LIMK1: variants seen among roughly 807,000 people sequenced by gnomAD.
LIMK1 encodes the protein LIM motif-containing protein kinase.
LIMK1 carries 21 observed loss-of-function variants against 77.6 expected under a neutral mutation model. The observed-to-expected ratio is 0.27, with a 90% confidence interval of 0.19 to 0.39. The LOEUF is 0.39. Among genes scored for constraint, LIMK1 ranks in the 10% least tolerant of loss-of-function variants. The pLI is 1.00. For synonymous variants in LIMK1, 358 were observed against 370.0 expected (o/e 0.97, Z 0.37); for missense variants, 696 against 901.6 (o/e 0.77, Z 2.92).
In LIMK1 at chr7:74,086,222, T is replaced by A. The variant is rs551444447; in HGVS notation, c.152+378T>A. Among the ~76,000 whole-genome samples the A allele has an allele frequency of 2.0e-5, 3 of 152,106 alleles. No individual in the cohort carries two copies. In the South Asian group the frequency reaches 6.2e-4, roughly 32 times the overall value. ...CACCACGCCCAGCTAATTTTTGTAT[T>A]TTTAGTAGAGACGGGTTTTGCCATG... On this transcript the variant is annotated intron_variant, in intron 2 of 15. Coordinates refer to ENST00000336180, the MANE Select transcript of LIMK1 (RefSeq NM_002314.4).
At position 74,121,281 on chromosome 7, in the gene LIMK1, C is replaced by T. The variant is rs1470397205; in HGVS notation, c.1924C>T (p.His642Tyr). Residue 642 changes from histidine to tyrosine, a missense_variant, in exon 16 of 16, where the codon CAC becomes TAC. His to Tyr is a moderately conservative substitution (Grantham distance 83, BLOSUM62 2). Coordinates refer to ENST00000336180, the MANE Select transcript of LIMK1 (RefSeq NM_002314.4). The stretch of plus-strand genomic sequence containing the variant: ...GCGCGGCGAGAGCGGACTGCCTGCC[C>T]ACCCTGAGGTCCCCGACTGAGCCAG... ...YRRGESGLPA[H>Y]PEVPD is the part of the protein sequence containing the mutation. 5 of 1,605,442 alleles carry T rather than the reference C, an allele frequency of 3.1e-6. No homozygotes were observed. In the African/African-American group the frequency reaches 5.3e-5, roughly 17 times the overall value.
chr7:74,105,835 G>A, intron 5 of LIMK1, 40 bp from the exon 6 acceptor site: 1 of 1,494,104 alleles, frequency 6.7e-7, no homozygotes, highest in Non-Finnish European at 9.3e-7. Context: ...GGGCTCTGAG[G>A]GACAGGTGGG....
intron 4 of LIMK1, among the ~76,000 whole-genome samples, chr7:74,097,714 A>G (rs782684205): frequency 6.6e-6 from 1 of 152,206 alleles, no homozygotes; most frequent in Non-Finnish European, 1.5e-5. Flanking sequence ...CTTACTGGCC[A>G]TGACTGCAGC....
At chr7:74,121,079 A>G (rs782667440) in intron 15 of LIMK1, 30 bp downstream of exon 15, 1 of 1,591,954 alleles carries the variant, frequency 6.3e-7, no homozygotes, top group East Asian at 2.3e-5. Context: ...GGCCTGGGAG[A>G]CGGTGGGGCC....
intron 5 of LIMK1, among the ~76,000 whole-genome samples, chr7:74,103,134 C>T (rs929593703): frequency 6.6e-6 from 1 of 152,110 alleles, no homozygotes; most frequent in Non-Finnish European, 1.5e-5. Flanking sequence ...TCCCAAAATG[C>T]TGGGTTTACA....
chr7:74,096,777 T>G lies in LIMK1; in HGVS notation c.291+17T>G. ...CTGGTTATGGTGAGCGCCCCCTGCC[T>G]TGCACACTCACCTGGGGTGGGGGTA... On this transcript the variant is annotated intron_variant, in intron 3 of 15. Transcript: ENST00000336180. 1 of 1,576,286 alleles carries G rather than the reference T, an allele frequency of 6.3e-7. No individual in the cohort carries two copies. Among genetic ancestry groups the G allele is most frequent in the Non-Finnish European group, 8.6e-7 (1 of 1,157,810 alleles).
chr7:74,086,985 C>T (rs1230057473), intron 2 of LIMK1, among the ~76,000 whole-genome samples: 1 of 152,154 alleles, frequency 6.6e-6, no homozygotes, highest in African/African-American at 2.4e-5. Flanking sequence ...ATAAAGAGTA[C>T]ATGAGGACCT....
At chr7:74,117,554 T>A (rs1338815308) in intron 13 of LIMK1, among the ~76,000 whole-genome samples, 1 of 152,062 alleles carries the variant, frequency 6.6e-6, no homozygotes, top group Non-Finnish European at 1.5e-5. Context: ...TATGCCCAGA[T>A]TATAGGTTAT....
chr7:74,095,076 A>G lies in LIMK1; in HGVS notation c.153-1546A>G, dbSNP rs1023245215. Among the ~76,000 whole-genome samples the G allele has an allele frequency of 3.9e-5, 6 of 152,164 alleles. No homozygotes were observed. The South Asian group carries it at 8.3e-4, about 21-fold the overall frequency. On this transcript the variant is annotated intron_variant, in intron 2 of 15. Transcript: ENST00000336180. ...TCCTCAACCCCAGTTCCCTAGTTACAGTTAATTAGCATTAGCAGACAGCCC... is the reference window on the plus strand; with the variant it reads ...TCCTCAACCCCAGTTCCCTAGTTACGGTTAATTAGCATTAGCAGACAGCCC...
chr7:74,116,274 CCCAGTACTGTAGTA>C (rs61291488), intron 13 of LIMK1, among the ~76,000 whole-genome samples: 128,115 of 152,022 alleles, frequency 0.84, 54,906 homozygotes, highest in Middle Eastern at 0.93. Context: ...TGGGTGTAAT[CCCAGTACTGTAGTA>C]CTGTAATCCC....
At chr7:74,088,754 A>C (rs1799183105) in intron 2 of LIMK1, among the ~76,000 whole-genome samples, 2 of 149,508 alleles carry the variant, frequency 1.3e-5, no homozygotes, top group Admixed American at 1.4e-4. Flanking sequence ...GTGAGCTGAG[A>C]TCACGTCACT....
chr7:74,084,874 C>A (rs1799104268), intron 1 of LIMK1, among the ~76,000 whole-genome samples: 1 of 152,188 alleles, frequency 6.6e-6, no homozygotes, highest in African/African-American at 2.4e-5. Context: ...ACACCTCCCC[C>A]TGCCACCAAC....
At position 74,122,195 on chromosome 7, in the gene LIMK1, G is replaced by C. The variant is rs1554700801; in HGVS notation, c.*894G>C. 1 of 152,080 alleles carries C rather than the reference G, an allele frequency of 6.6e-6. No individual in the cohort carries two copies. The highest frequency in any genetic ancestry group is 2.4e-5 in the African/African-American group (1 of 41,194). The allele number at this position is 152,080 out of a possible 1,614,324, so 9.4% of individuals were successfully genotyped here. On this transcript the variant is annotated 3_prime_UTR_variant, in exon 16 of 16. Transcript: ENST00000336180. ...CCCTCCTCATGCCCCTCTGTCCTCT[G>C]CGTTTTTTCTGTGTAATCTATTTTT...
chr7:74,121,500 A>G lies in LIMK1; in HGVS notation c.*199A>G, dbSNP rs1554700644. 3.6e-5 allele frequency: 21 copies of G among 575,478 alleles called. No homozygotes were observed. The highest frequency in any genetic ancestry group is 1.2e-5 in the Non-Finnish European group (4 of 328,100). 35.6% of individuals were successfully genotyped at this position (575,478 alleles called of 1,614,324 possible). ...CGTGGCCCAGAGCCGGCCCAGCTGC[A>G]CACACACACCATGCTCTCGCCCTGC... On this transcript the variant is annotated 3_prime_UTR_variant, in exon 16 of 16. Transcript: ENST00000336180.
intron 13 of LIMK1, among the ~76,000 whole-genome samples, chr7:74,117,670 C>T (rs782730310): frequency 1.3e-4 from 20 of 152,078 alleles, no homozygotes; most frequent in African/African-American, 3.1e-4. Context: ...TGGCATGTGG[C>T]GTGGTGCCTA....
intron 12 of LIMK1, among the ~76,000 whole-genome samples, chr7:74,115,039 C>T (rs1360581072): frequency 6.6e-6 from 1 of 151,732 alleles, no homozygotes; most frequent in African/African-American, 2.4e-5. Context: ...GTCTGGGCAA[C>T]ATAGCAAGAC....
chr7:74,092,985 C>T (rs533967092), intron 2 of LIMK1: 39 of 589,284 alleles, frequency 6.6e-5, no homozygotes, highest in African/African-American at 5.5e-4. Flanking sequence ...CACAGGCTCC[C>T]TGCCTGGGGT....
rs782170750 is a variant in LIMK1, at chr7:74,099,215, C to T, written c.585C>T (p.His195=). ...GCCCACCGGGCTGTGGCACCGAGCA[C>T]TCACACACCGTCCGCGTCCAGGGGT... The part of the protein sequence containing the change: ...PHGPPGCGTE[H]SHTVRVQGVD... Residue 195 remains histidine (H), a synonymous_variant, in exon 5 of 16, where the codon CAC becomes CAT. Transcript: ENST00000336180. 87 of 1,607,524 alleles carry T rather than the reference C, an allele frequency of 5.4e-5. No individual in the cohort carries two copies. Among genetic ancestry groups the T allele is most frequent in the Non-Finnish European group, 7.0e-5 (83 of 1,179,994 alleles).
At chr7:74,113,518 G>A (rs1799744358) in intron 12 of LIMK1, among the ~76,000 whole-genome samples, 1 of 152,102 alleles carries the variant, frequency 6.6e-6, no homozygotes, top group Admixed American at 6.6e-5. Flanking sequence ...CCAGCTACTC[G>A]GGAGGCTGAG....
Sources: gnomAD v4.1 joint callset for allele counts (sites outside exome capture counted in the v4.1 genomes callset) on GRCh38, gnomAD v4.1.1 for gene constraint, MANE v1.5 for transcripts, NCBI Gene and HGNC (gene_info 2026-07-23, HGNC 2026-07-21) for gene names.